GNG2: variants seen among roughly 807,000 people sequenced by gnomAD.
The protein encoded by GNG2 is G protein subunit gamma 2, also known as guanine nucleotide-binding protein G(I)/G(S)/G(O) subunit gamma-2.
In GNG2, 5 loss-of-function variants were observed where a neutral mutation model predicts 5.5. The observed-to-expected ratio is 0.91, with a 90% CI of 0.48 to 1.92. GNG2 has a LOEUF of 1.92. GNG2 is among the 30% of genes most tolerant of loss of function. The pLI is 0.01. For missense variants in GNG2, 55 were observed against 88.4 expected (o/e 0.62, Z 1.52); for synonymous variants, 28 against 32.0 (o/e 0.88, Z 0.42).
chr14:51,917,407 A>G (rs2140216537), intron 2 of GNG2: 1 of 456,076 alleles, frequency 2.2e-6, no homozygotes, highest in South Asian at 1.5e-5. Flanking sequence ...GGTTGCCTTC[A>G]TACTGCAATC....
intron 2 of GNG2, among the ~76,000 whole-genome samples, chr14:51,885,589 T>TC (rs1566664243): frequency 5.3e-5 from 7 of 131,768 alleles, no homozygotes; most frequent in Non-Finnish European, 1.2e-4. Flanking sequence ...CCGTATTCTA[T>TC]AACACACACA....
At chr14:51,957,079 A>G (rs1889318222) in intron 3 of GNG2, among the ~76,000 whole-genome samples, 1 of 145,604 alleles carries the variant, frequency 6.9e-6, no homozygotes, top group African/African-American at 2.6e-5. Context: ...AGGATGCTGG[A>G]TAGTAGGATT....
rs527543041 is a variant in GNG2, at chr14:51,889,959, G to A, written c.-30+12302G>A. Among the ~76,000 whole-genome samples, 7 of 152,216 alleles carry A rather than the reference G, an allele frequency of 4.6e-5. No homozygotes were observed. The South Asian group carries it at 1.5e-3, about 32-fold the overall frequency. On this transcript the variant is annotated intron_variant, in intron 2 of 3. Transcript: ENST00000556766. ...GATATCCTGTCAGTAAAGCATCTTA[G>A]CTAAATCAGATTATTTATCAAACTC... is the stretch of plus-strand genomic sequence containing the variant.
At chr14:51,912,698 G>C (rs2140205444) in intron 2 of GNG2, among the ~76,000 whole-genome samples, 1 of 152,342 alleles carries the variant, frequency 6.6e-6, no homozygotes, top group African/African-American at 2.4e-5. Context: ...TACCAGCCTG[G>C]ATGCTTTCTT....
chr14:51,931,654 A>C (rs1482262029), intron 2 of GNG2, among the ~76,000 whole-genome samples: 1 of 152,194 alleles, frequency 6.6e-6, no homozygotes, highest in Non-Finnish European at 1.5e-5. Context: ...GAAAGAAATG[A>C]CAGGAAAGCA....
intron 2 of GNG2, among the ~76,000 whole-genome samples, chr14:51,843,021 T>C (rs1881525036): frequency 6.6e-6 from 1 of 152,158 alleles, no homozygotes; most frequent in African/African-American, 2.4e-5. Flanking sequence ...CTGCTGTTAA[T>C]CTTGTTGCCA....
At chr14:51,916,336 G>A in intron 2 of GNG2, 1 of 367,004 alleles carries the variant, frequency 2.7e-6, no homozygotes, top group Non-Finnish European at 5.3e-6. Flanking sequence ...TTGCCCCGTA[G>A]AGATAAATGG....
intron 2 of GNG2, among the ~76,000 whole-genome samples, chr14:51,937,352 T>A (rs1446520296): frequency 6.6e-6 from 1 of 152,138 alleles, no homozygotes. Flanking sequence ...AATCTTGCAG[T>A]GTAGATCATG....
At chr14:51,833,525 C>T (rs968270498) in intron 2 of GNG2, among the ~76,000 whole-genome samples, 6 of 152,172 alleles carry the variant, frequency 3.9e-5, no homozygotes, top group African/African-American at 9.7e-5. Flanking sequence ...AACATTTGCT[C>T]CATTACACTT....
chr14:51,946,215 T>C (rs1448334613), intron 2 of GNG2, among the ~76,000 whole-genome samples: 5 of 152,202 alleles, frequency 3.3e-5, no homozygotes, highest in African/African-American at 1.2e-4. Context: ...AGCAACATAG[T>C]ATTCAAAATT....
At chr14:51,886,958 A>C (rs946914580) in intron 2 of GNG2, among the ~76,000 whole-genome samples, 1 of 152,246 alleles carries the variant, frequency 6.6e-6, no homozygotes, top group Non-Finnish European at 1.5e-5. Context: ...GAAGTCTTGC[A>C]TGAAGGAATG....
At chr14:51,831,872 A>G (rs1881202293) in intron 2 of GNG2, among the ~76,000 whole-genome samples, 1 of 152,246 alleles carries the variant, frequency 6.6e-6, no homozygotes, top group Admixed American at 6.5e-5. Context: ...AATATGCAGC[A>G]TAATTCCTAA....
At chr14:51,954,226 G>A (rs1335678379) in intron 3 of GNG2, among the ~76,000 whole-genome samples, 2 of 152,150 alleles carry the variant, frequency 1.3e-5, no homozygotes, top group Admixed American at 6.5e-5. Flanking sequence ...TAAGCCTCGG[G>A]CATATATAAA....
chr14:51,954,329 G>T (rs987814061), intron 3 of GNG2, among the ~76,000 whole-genome samples: 8 of 152,146 alleles, frequency 5.3e-5, no homozygotes, highest in Admixed American at 5.2e-4. Context: ...AGAGAGTTAG[G>T]GGAAGGGGGA....
intron 2 of GNG2, among the ~76,000 whole-genome samples, chr14:51,844,634 T>C (rs74049464): frequency 7.1e-4 from 108 of 152,262 alleles, no homozygotes; most frequent in African/African-American, 2.5e-3. Flanking sequence ...GCATTGGTGG[T>C]TCCTTCCCGG....
chr14:51,882,365 G>A (rs1007403278), intron 2 of GNG2, among the ~76,000 whole-genome samples: 44 of 152,196 alleles, frequency 2.9e-4, no homozygotes, highest in African/African-American at 8.9e-4. Context: ...TCTGGAAAAA[G>A]TGTGAATCCG....
At chr14:51,849,946 A>G (rs1310334467) in intron 2 of GNG2, among the ~76,000 whole-genome samples, 2 of 151,890 alleles carry the variant, frequency 1.3e-5, no homozygotes, top group Admixed American at 6.6e-5. Flanking sequence ...AGTAGTTGGG[A>G]CTATAGGCGG....
chr14:51,932,855 A>C (rs930584494), intron 2 of GNG2, among the ~76,000 whole-genome samples: 18 of 149,894 alleles, frequency 1.2e-4, no homozygotes, highest in African/African-American at 4.2e-4. Context: ...ATTAAGTTAA[A>C]GCTCTGGATA....
intron 2 of GNG2, chr14:51,917,577 A>G (rs1886726468): frequency 2.8e-6 from 1 of 351,822 alleles, no homozygotes; most frequent in South Asian, 2.2e-5. Context: ...GATTAAAGGT[A>G]TTTAGGATTA....
Sources: allele counts gnomAD v4.1 joint callset (sites outside exome capture counted in the v4.1 genomes callset), GRCh38; gene constraint gnomAD v4.1.1; transcripts MANE v1.5; gene names NCBI Gene and HGNC (gene_info 2026-07-23, HGNC 2026-07-21).